The following CACNA1C variants were observed in gnomAD, a reference collection of about 807,000 sequenced individuals.
The protein encoded by CACNA1C is calcium voltage-gated channel subunit alpha1 C, also known as voltage-dependent L-type calcium channel subunit alpha-1C.
In CACNA1C, 30 loss-of-function variants were observed where a neutral mutation model predicts 229.0. The ratio of observed to expected loss-of-function variants is 0.13; its 90% CI spans 0.10 to 0.18. CACNA1C has a LOEUF of 0.18. Among genes scored for constraint, CACNA1C ranks in the 10% least tolerant of loss-of-function variants. The pLI, the probability that CACNA1C is intolerant of heterozygous loss-of-function variation, is 1.00. For synonymous variants in CACNA1C, 1,114 were observed against 1,132.5 expected (o/e 0.98, Z 0.33); for missense variants, 1,658 against 2,845.0 (o/e 0.58, Z 9.49).
chr12:2,641,790 G>T, intron 30 of CACNA1C: 1 of 702,298 alleles, frequency 1.4e-6, no homozygotes, highest in Non-Finnish European at 2.6e-6. Flanking sequence ...CCCCTGAGTG[G>T]GGAGATTACT....
At chr12:2,005,088 A>AC (rs1439896005) in intron 1 of CACNA1C, among the ~76,000 whole-genome samples, 1 of 152,046 alleles carries the variant, frequency 6.6e-6, no homozygotes, top group Non-Finnish European at 1.5e-5. Context: ...AGGCAGGGGC[A>AC]CCAAACTGTA....
intron 3 of CACNA1C, among the ~76,000 whole-genome samples, chr12:2,191,975 C>G (rs558768661): frequency 2.6e-5 from 4 of 152,082 alleles, no homozygotes; most frequent in Non-Finnish European, 5.9e-5. Flanking sequence ...CACAGGCACA[C>G]GTGTACACGC....
chr12:2,422,136 A>AT (rs938862197), intron 3 of CACNA1C, among the ~76,000 whole-genome samples: 1 of 152,128 alleles, frequency 6.6e-6, no homozygotes, highest in African/African-American at 2.4e-5. Context: ...CCAAAAAGTA[A>AT]ACAAAGTGAT....
chr12:2,049,099 A>G (rs1325023912), upstream of CACNA1C: 1 of 152,212 alleles, frequency 6.6e-6, no homozygotes. Flanking sequence ...CCACGTTACT[A>G]ATATTCTTCC....
chr12:2,124,554 G>A (rs992108099), intron 3 of CACNA1C, among the ~76,000 whole-genome samples: 1 of 152,184 alleles, frequency 6.6e-6, no homozygotes, highest in Non-Finnish European at 1.5e-5. Context: ...AGGCTTTAAC[G>A]GCAGAGGAGT....
chr12:2,576,446 C>T (rs1215150252), intron 13 of CACNA1C, among the ~76,000 whole-genome samples: 2 of 152,110 alleles, frequency 1.3e-5, no homozygotes, highest in Non-Finnish European at 2.9e-5. Context: ...TTCCATGAGG[C>T]CTGTGACCAA....
intron 11 of CACNA1C, 73 bp downstream of exon 11, chr12:2,557,050 C>T: frequency 1.6e-6 from 2 of 1,236,132 alleles, no homozygotes; most frequent in Non-Finnish European, 2.4e-6. Flanking sequence ...TTGGGTGGCC[C>T]AAGGTAATAC....
chr12:2,608,029 A>C lies in CACNA1C; in HGVS notation c.3357-482A>C, dbSNP rs1206269968. 6.5e-6 allele frequency: 1 copy of C among 153,838 alleles called. No individual in the cohort carries two copies. The highest frequency in any genetic ancestry group is 1.4e-5 in the Non-Finnish European group (1 of 69,216). The allele number at this position is 153,838 out of a possible 1,614,324, so 9.5% of individuals were successfully genotyped here. A position where few individuals can be genotyped will look rare whatever the true frequency, so the allele number is the denominator to read the frequency against. ...ATGTAAACTGCTTATGTCTAAAACC[A>C]GGCCATTGGTGATGATCGGAGTAGC... On this transcript the variant is annotated intron_variant, in intron 26 of 46. Coordinates refer to ENST00000399655, the MANE Select transcript of CACNA1C (RefSeq NM_000719.7). The surrounding 1 kb of genome is among the most constrained non-coding windows in gnomAD (Gnocchi z 4.2).
intron 3 of CACNA1C, among the ~76,000 whole-genome samples, chr12:2,201,675 C>T (rs1046212621): frequency 6.6e-6 from 1 of 152,220 alleles, no homozygotes; most frequent in Non-Finnish European, 1.5e-5. Flanking sequence ...CAAGTGTCCT[C>T]ATGACCCTAA....
intron 7 of CACNA1C, among the ~76,000 whole-genome samples, chr12:2,498,002 C>CACACACACACACACACACACAA (rs1491106908): frequency 6.7e-6 from 1 of 149,820 alleles, no homozygotes; most frequent in African/African-American, 2.5e-5. Flanking sequence ...CACACACACA[C>CACACACACACACACACACACAA]AACAGCTATT....
chr12:2,028,402 G>A (rs2047682705), intron 1 of CACNA1C, among the ~76,000 whole-genome samples: 1 of 152,166 alleles, frequency 6.6e-6, no homozygotes, highest in South Asian at 2.1e-4. Flanking sequence ...ATTTTATAGA[G>A]GAGGATGCTG....
intron 1 of CACNA1C, among the ~76,000 whole-genome samples, chr12:1,985,665 T>G (rs1423887449): frequency 6.6e-6 from 1 of 152,194 alleles, no homozygotes; most frequent in Non-Finnish European, 1.5e-5. Context: ...TGGACATTTT[T>G]ATTATTTTGT....
At chr12:2,101,525 C>T (rs184749904) in intron 1 of CACNA1C, among the ~76,000 whole-genome samples, 1 of 152,312 alleles carries the variant, frequency 6.6e-6, no homozygotes, top group African/African-American at 2.4e-5. Context: ...CTCCGCCTCC[C>T]TGAGTGTCAG....
At chr12:2,498,555 T>TG (rs2099751929) in intron 7 of CACNA1C, among the ~76,000 whole-genome samples, 1 of 152,274 alleles carries the variant, frequency 6.6e-6, no homozygotes, top group Admixed American at 6.5e-5. Context: ...TGCTGTTTCC[T>TG]GGGACGAGGG....
chr12:2,502,543 C>T (rs761813663), intron 7 of CACNA1C, among the ~76,000 whole-genome samples: 24 of 152,252 alleles, frequency 1.6e-4, no homozygotes, highest in Non-Finnish European at 5.9e-5. Flanking sequence ...TGGGCACACA[C>T]TGGGAATCTT....
intron 3 of CACNA1C, among the ~76,000 whole-genome samples, chr12:2,315,364 T>C (rs973553088): frequency 5.3e-5 from 8 of 152,190 alleles, no homozygotes; most frequent in South Asian, 4.1e-4. Flanking sequence ...TTGCTTGAGA[T>C]TGAATTTATG....
chr12:2,588,237 AC>A (rs2063433177), intron 18 of CACNA1C, among the ~76,000 whole-genome samples: 1 of 152,156 alleles, frequency 6.6e-6, no homozygotes, highest in South Asian at 2.1e-4. Flanking sequence ...ATCCTGATCT[AC>A]CATTGTGCTC....
At chr12:2,419,717 A>G (rs1350555945) in intron 3 of CACNA1C, among the ~76,000 whole-genome samples, 1 of 152,170 alleles carries the variant, frequency 6.6e-6, no homozygotes, top group Non-Finnish European at 1.5e-5. Flanking sequence ...CTTCCTTCAC[A>G]CACAGTAGGC....
intron 31 of CACNA1C, among the ~76,000 whole-genome samples, chr12:2,650,009 C>G (rs1341769911): frequency 6.6e-6 from 1 of 152,190 alleles, no homozygotes; most frequent in Non-Finnish European, 1.5e-5. Flanking sequence ...GACAGGGCTG[C>G]TGCCTGCAGC....
Sources: gnomAD v4.1 joint callset for allele counts (sites outside exome capture counted in the v4.1 genomes callset) on GRCh38, gnomAD v4.1.1 for gene constraint, Gnocchi (gnomAD v3.1) non-coding constraint, MANE v1.5 for transcripts, NCBI Gene and HGNC (gene_info 2026-07-23, HGNC 2026-07-21) for gene names.